The following PXK variants were observed in gnomAD, a reference collection of about 807,000 sequenced individuals.
PXK encodes PX domain containing serine/threonine kinase like.
A neutral mutation model predicts 84.7 loss-of-function variants in PXK; 35 were observed. The observed-to-expected ratio is 0.41, with a 90% CI of 0.32 to 0.55. The LOEUF is 0.55. Among genes scored for constraint, PXK ranks in the 20% least tolerant of loss-of-function variants. The pLI is 0.21. For missense variants in PXK, 634 were observed against 699.7 expected (o/e 0.91, Z 1.06); for synonymous variants, 253 against 260.8 (o/e 0.97, Z 0.29).
intron 17 of PXK, chr3:58,422,875 GCA>G (rs1345009686): frequency 2.3e-5 from 23 of 985,320 alleles, no homozygotes; most frequent in Middle Eastern, 1.0e-3. Context: ...GTCCTTAACT[GCA>G]CAGTGATTCT....
intron 3 of PXK, among the ~76,000 whole-genome samples, chr3:58,378,141 C>T (rs547454494): frequency 2.0e-5 from 3 of 152,248 alleles, no homozygotes; most frequent in Admixed American, 6.5e-5. Flanking sequence ...ACGTACTATA[C>T]GTGAGGACCC....
At position 58,409,104 on chromosome 3, in the gene PXK, C is replaced by A; in HGVS notation, c.1308+103C>A. On this transcript the variant is annotated intron_variant, in intron 14 of 17. Transcript: ENST00000356151. This position sits in a 1 kb window ranked among gnomAD's most constrained non-coding sequence, Gnocchi z 4.2. ...CTGTTCCCTCTGCAAATATTTTAAG[C>A]ATACTTACTCTCAGCCAGCCTTTAG... 1 of 871,882 alleles carries A rather than the reference C, an allele frequency of 1.1e-6. No homozygotes were observed. Among genetic ancestry groups the A allele is most frequent in the Non-Finnish European group, 1.8e-6 (1 of 551,706 alleles). The allele number at this position is 871,882 out of a possible 1,614,324, so 54.0% of individuals were successfully genotyped here.
In PXK at chr3:58,412,814, TC is replaced by T; in HGVS notation, c.1466-86del. ...CTCACACACTAAGCCAAATGTAGAT[TC>T]TCAGACAGCAGTGGGTCCCAGCCTG... On this transcript the variant is annotated intron_variant, in intron 16 of 17. Coordinates refer to ENST00000356151, the MANE Select transcript of PXK (RefSeq NM_017771.5). The surrounding 1 kb of genome is among the most constrained non-coding windows in gnomAD (Gnocchi z 6.2). 2.2e-6 allele frequency: 3 copies of T among 1,343,180 alleles called. No homozygotes were observed. Among genetic ancestry groups the T allele is most frequent in the Non-Finnish European group, 3.2e-6 (3 of 934,320 alleles). 83.2% of individuals were successfully genotyped at this position (1,343,180 alleles called of 1,614,324 possible).
At chr3:58,366,052 A>G in intron 2 of PXK, 128 bp downstream of exon 2, 1 of 798,706 alleles carries the variant, frequency 1.3e-6, no homozygotes, top group South Asian at 2.1e-5. Flanking sequence ...TGTTTCTTTT[A>G]GCTATAAACT....
chr3:58,409,700 A>G lies in PXK; in HGVS notation c.1395+82A>G. Reference sequence around the variant, plus strand: ...AGTTCTAGGTTAATGGTGCCCATTTAATGACAGATGCTGTGCTATATCTCC... The same window carrying G: ...AGTTCTAGGTTAATGGTGCCCATTTGATGACAGATGCTGTGCTATATCTCC... On this transcript the variant is annotated intron_variant, in intron 15 of 17. Transcript: ENST00000356151. This position sits in a 1 kb window ranked among gnomAD's most constrained non-coding sequence, Gnocchi z 4.2. The G allele has an allele frequency of 1.8e-6, 2 of 1,117,290 alleles. No homozygotes were observed. The highest frequency in any genetic ancestry group is 2.6e-6 in the Non-Finnish European group (2 of 774,860). The allele number at this position is 1,117,290 out of a possible 1,614,324, so 69.2% of individuals were successfully genotyped here.
At chr3:58,389,168 G>A (rs1390442473) in intron 4 of PXK, among the ~76,000 whole-genome samples, 2 of 152,058 alleles carry the variant, frequency 1.3e-5, no homozygotes, top group African/African-American at 4.8e-5. Context: ...AAAGAGGATG[G>A]ATTTTTTTTT....
At chr3:58,337,077 A>G (rs74629388) in intron 1 of PXK, among the ~76,000 whole-genome samples, 6,975 of 151,854 alleles carry the variant, frequency 0.046, 563 homozygotes, top group African/African-American at 0.16. Flanking sequence ...CCTAAGGCGC[A>G]GGGATTACAG....
chr3:58,336,064 TATA>T (rs2097592712), intron 1 of PXK, among the ~76,000 whole-genome samples: 2 of 58,270 alleles, frequency 3.4e-5, no homozygotes, highest in African/African-American at 1.2e-4. Context: ...TATATATATA[TATA>T]TATATTTTTT....
intron 3 of PXK, among the ~76,000 whole-genome samples, chr3:58,377,049 T>G (rs2098449259): frequency 6.6e-6 from 1 of 152,152 alleles, no homozygotes; most frequent in Non-Finnish European, 1.5e-5. Context: ...TTTATTCAGC[T>G]AAAAAAGAAA....
At chr3:58,410,952 C>T (rs974475664) in intron 16 of PXK, among the ~76,000 whole-genome samples, 4 of 152,130 alleles carry the variant, frequency 2.6e-5, no homozygotes, top group Admixed American at 2.0e-4. Context: ...GCAAAAGAGA[C>T]GGTAACTGGC....
intron 1 of PXK, among the ~76,000 whole-genome samples, chr3:58,359,700 T>C (rs1198434369): frequency 6.6e-6 from 1 of 152,192 alleles, no homozygotes; most frequent in Non-Finnish European, 1.5e-5. Context: ...TCTATAAGAA[T>C]GTAAAAGCCA....
At position 58,333,708 on chromosome 3, in the gene PXK, A is replaced by C; in HGVS notation, c.102+618A>C. 1 of 451,424 alleles carries C rather than the reference A, an allele frequency of 2.2e-6. No individual in the cohort carries two copies. Among genetic ancestry groups the C allele is most frequent in the Non-Finnish European group, 4.5e-6 (1 of 224,050 alleles). The allele number at this position is 451,424 out of a possible 1,614,324, so 28.0% of individuals were successfully genotyped here. On this transcript the variant is annotated intron_variant, in intron 1 of 17. Coordinates refer to ENST00000356151, the MANE Select transcript of PXK (RefSeq NM_017771.5). The surrounding 1 kb of genome is among the most constrained non-coding windows in gnomAD (Gnocchi z 5.4). The stretch of plus-strand genomic sequence containing the variant: ...AGCAGGTGTATGAATGTGCTTCTCT[A>C]ACTTGCTCTTTAGTGGGCAGTGGTA...
In PXK at chr3:58,395,647, C is replaced by T; in HGVS notation, c.721-11C>T. ...GCTGCTTTCTTACGTGTTCTTTGTT[C>T]TTTTCCAAAGGCAAAACCAAAAGAC... is the stretch of plus-strand genomic sequence containing the variant. On this transcript the variant is annotated splice_polypyrimidine_tract_variant and intron_variant, in intron 8 of 17. Transcript: ENST00000356151. 2 of 1,598,238 alleles carry T rather than the reference C, an allele frequency of 1.3e-6. No homozygotes were observed. The highest frequency in any genetic ancestry group is 1.7e-6 in the Non-Finnish European group (2 of 1,166,874).
At chr3:58,419,598 G>C (rs1407791615) in intron 17 of PXK, among the ~76,000 whole-genome samples, 2 of 152,232 alleles carry the variant, frequency 1.3e-5, no homozygotes, top group African/African-American at 4.8e-5. Flanking sequence ...GGTGGAGGGA[G>C]AGTAATATTT....
At chr3:58,338,776 C>T (rs531011367) in intron 1 of PXK, among the ~76,000 whole-genome samples, 5 of 151,562 alleles carry the variant, frequency 3.3e-5, no homozygotes, top group Admixed American at 3.3e-4. Context: ...ACCTCTGCCT[C>T]CCGGGTTCAA....
chr3:58,382,729 C>A, intron 4 of PXK, 29 bp downstream of exon 4: 2 of 1,456,666 alleles, frequency 1.4e-6, no homozygotes, highest in South Asian at 1.5e-5. Context: ...GAATTATGGT[C>A]ACATGGCTAA....
At chr3:58,342,156 C>T (rs965628816) in intron 1 of PXK, among the ~76,000 whole-genome samples, 1 of 152,104 alleles carries the variant, frequency 6.6e-6, no homozygotes, top group South Asian at 2.1e-4. Context: ...CTATTGTTAT[C>T]GGAATTGTTT....
At chr3:58,372,261 T>C (rs1174510197) in intron 3 of PXK, among the ~76,000 whole-genome samples, 1 of 152,232 alleles carries the variant, frequency 6.6e-6, no homozygotes, top group Non-Finnish European at 1.5e-5. Flanking sequence ...TGTTCTGTAC[T>C]TTCCAAGTGC....
chr3:58,337,406 A>G (rs1166744859), intron 1 of PXK, among the ~76,000 whole-genome samples: 1 of 152,232 alleles, frequency 6.6e-6, no homozygotes, highest in African/African-American at 2.4e-5. Context: ...TGCCAGGCAC[A>G]TGCTAGAGAT....
Sources: allele counts gnomAD v4.1 joint callset (sites outside exome capture counted in the v4.1 genomes callset), GRCh38; gene constraint gnomAD v4.1.1; non-coding constraint Gnocchi (gnomAD v3.1); transcripts MANE v1.5; gene names NCBI Gene and HGNC (gene_info 2026-07-23, HGNC 2026-07-21).